Variants in ZNF385B observed in about 807,000 individuals in gnomAD.
The protein encoded by ZNF385B is zinc finger protein 385B.
In ZNF385B, 23 loss-of-function variants were observed where a neutral mutation model predicts 39.2. That is an observed-to-expected ratio of 0.59 (90% CI 0.42 to 0.83). ZNF385B has a LOEUF of 0.83. ZNF385B is among the 40% of genes least tolerant of loss of function. The pLI is 0.00. For missense variants in ZNF385B, 552 were observed against 598.9 expected (o/e 0.92, Z 0.82); for synonymous variants, 205 against 222.6 (o/e 0.92, Z 0.70).
chr2:179,731,140 G>C (rs559521750), intron 3 of ZNF385B, among the ~76,000 whole-genome samples: 1 of 152,270 alleles, frequency 6.6e-6, no homozygotes, highest in Non-Finnish European at 1.5e-5. Context: ...TTCCCACTTT[G>C]TAAAAAGAGG....
Position 179,550,447 on chromosome 2 carries a change from T to C in ZNF385B, c.299-5478A>G, listed in dbSNP as rs148760875. 2.2e-3 allele frequency among the ~76,000 whole-genome samples: 327 copies of C among 149,848 alleles called. 35 individuals are homozygous for C. The highest frequency in any genetic ancestry group is 6.9e-3 in the African/African-American group (277 of 39,936). On this transcript the variant is annotated intron_variant, in intron 3 of 9. Coordinates refer to ENST00000410066, the MANE Select transcript of ZNF385B (RefSeq NM_152520.6). Reference sequence around the variant, plus strand: ...TCCCCCTTACCCAATCAAATCTCTATGCTAATAAAGACAAGGCTTGAGAAC... The same window carrying C: ...TCCCCCTTACCCAATCAAATCTCTACGCTAATAAAGACAAGGCTTGAGAAC...
At chr2:179,578,607 A>G (rs1686119225) in intron 3 of ZNF385B, among the ~76,000 whole-genome samples, 1 of 152,092 alleles carries the variant, frequency 6.6e-6, no homozygotes, top group African/African-American at 2.4e-5. Flanking sequence ...TTGGATCAAC[A>G]CAAGTCATTT....
intron 3 of ZNF385B, among the ~76,000 whole-genome samples, chr2:179,578,073 A>G (rs973964127): frequency 1.3e-5 from 2 of 152,108 alleles, no homozygotes; most frequent in African/African-American, 4.8e-5. Context: ...CGTGGGATGT[A>G]TATGTGTGTT....
intron 6 of ZNF385B, among the ~76,000 whole-genome samples, chr2:179,451,251 TAAA>T (rs71029810): frequency 7.4e-6 from 1 of 134,840 alleles, no homozygotes; most frequent in Admixed American, 7.6e-5. Context: ...AAAGTATAAT[TAAA>T]AAAAAAAAAA....
chr2:179,607,876 T>C (rs72953754), intron 3 of ZNF385B, among the ~76,000 whole-genome samples: 10,653 of 151,762 alleles, frequency 0.07, 481 homozygotes, highest in Non-Finnish European at 0.099. Context: ...TGTACACTAT[T>C]TTGAGACACA....
rs779245294 is a variant in ZNF385B, at chr2:179,444,906, G to C, written c.1212C>G (p.Asn404Lys). ...KPLKPKYSPY[N>K]KLQRSPSILA... The stretch of plus-strand genomic sequence containing the variant: ...GAATACTCGGGCTCCGCTGGAGTTT[G>C]TTGTAAGGGCTGTATTTTGGCTTCA... Residue 404 changes from asparagine (N) to lysine (K), a missense_variant, in exon 9 of 10, where the codon AAC becomes AAG. Asn to Lys is a moderately conservative substitution (Grantham distance 94). Coordinates refer to ENST00000410066, the MANE Select transcript of ZNF385B (RefSeq NM_152520.6). 25 of 1,614,174 alleles carry C rather than the reference G, an allele frequency of 1.5e-5. No homozygotes were observed. The highest frequency in any genetic ancestry group is 2.1e-5 in the Non-Finnish European group (25 of 1,179,998).
intron 3 of ZNF385B, among the ~76,000 whole-genome samples, chr2:179,575,270 T>TAGA (rs548363068): frequency 3.3e-5 from 5 of 151,912 alleles, no homozygotes; most frequent in Non-Finnish European, 7.4e-5. Context: ...AACATATATG[T>TAGA]AGAAGAAGAA....
intron 6 of ZNF385B, among the ~76,000 whole-genome samples, chr2:179,449,567 G>A (rs974139732): frequency 2.6e-5 from 4 of 152,082 alleles, no homozygotes; most frequent in African/African-American, 7.2e-5. Flanking sequence ...CCTCTTCAAG[G>A]AGAACTAGAA....
intron 3 of ZNF385B, among the ~76,000 whole-genome samples, chr2:179,572,284 G>A (rs1300159735): frequency 6.6e-6 from 1 of 152,108 alleles, no homozygotes; most frequent in Non-Finnish European, 1.5e-5. Context: ...TAGTGTACTA[G>A]GTGTTAAGTA....
intron 1 of ZNF385B, among the ~76,000 whole-genome samples, chr2:179,828,706 C>A (rs989622457): frequency 2.0e-5 from 3 of 152,148 alleles, no homozygotes; most frequent in Non-Finnish European, 2.9e-5. Context: ...ACTTTAAAAT[C>A]TTTTCTTTAA....
chr2:179,741,984 C>T (rs921823159), intron 3 of ZNF385B, among the ~76,000 whole-genome samples: 2 of 151,908 alleles, frequency 1.3e-5, no homozygotes, highest in African/African-American at 4.8e-5. Flanking sequence ...TACAACAAAA[C>T]AAAATGAATT....
At chr2:179,535,073 T>TCTAC (rs926290178) in intron 4 of ZNF385B, among the ~76,000 whole-genome samples, 73 of 152,296 alleles carry the variant, frequency 4.8e-4, no homozygotes, top group African/African-American at 1.6e-3. Flanking sequence ...GAAGTTTGGG[T>TCTAC]CTACCTGGGA....
intron 3 of ZNF385B, among the ~76,000 whole-genome samples, chr2:179,545,843 C>T (rs2060197935): frequency 6.6e-6 from 1 of 152,088 alleles, no homozygotes; most frequent in Admixed American, 6.6e-5. Flanking sequence ...ATAATCACCT[C>T]AGGGTAAATG....
chr2:179,851,189 G>A (rs1559251136), intron 1 of ZNF385B, among the ~76,000 whole-genome samples: 1 of 152,306 alleles, frequency 6.6e-6, no homozygotes, highest in East Asian at 1.9e-4. Flanking sequence ...AGTGGCTCAC[G>A]CCTGTAACCC....
intron 4 of ZNF385B, among the ~76,000 whole-genome samples, chr2:179,530,849 G>A (rs2059209018): frequency 6.6e-6 from 1 of 152,144 alleles, no homozygotes; most frequent in Non-Finnish European, 1.5e-5. Flanking sequence ...CAAATGTGCA[G>A]TGTTCTAATC....
chr2:179,476,993 G>A (rs4894100), intron 6 of ZNF385B, among the ~76,000 whole-genome samples: 40,929 of 152,108 alleles, frequency 0.27, 5,700 homozygotes, highest in East Asian at 0.44. Context: ...GACAGATGCT[G>A]CCAAAGCAGA....
chr2:179,609,186 C>A (rs1225086553), intron 3 of ZNF385B, among the ~76,000 whole-genome samples: 1 of 151,834 alleles, frequency 6.6e-6, no homozygotes, highest in East Asian at 1.9e-4. Flanking sequence ...CATTTTTGTA[C>A]CCATTAACCA....
At chr2:179,637,803 G>C (rs1225331720) in intron 3 of ZNF385B, among the ~76,000 whole-genome samples, 1 of 152,192 alleles carries the variant, frequency 6.6e-6, no homozygotes, top group Non-Finnish European at 1.5e-5. Flanking sequence ...ATATTGCCCT[G>C]CAGTATTAGT....
intron 3 of ZNF385B, among the ~76,000 whole-genome samples, chr2:179,612,615 T>G (rs778874129): frequency 6.6e-6 from 1 of 152,206 alleles, no homozygotes; most frequent in East Asian, 1.9e-4. Context: ...CTGAGTTATC[T>G]GGAGCTGGGG....
Sources: allele counts gnomAD v4.1 joint callset (sites outside exome capture counted in the v4.1 genomes callset), GRCh38; gene constraint gnomAD v4.1.1; transcripts MANE v1.5; gene names NCBI Gene and HGNC (gene_info 2026-07-23, HGNC 2026-07-21).